The following TAFA5 variants were observed in gnomAD, a reference collection of about 807,000 sequenced individuals.
TAFA5 encodes the protein chemokine-like protein TAFA-5.
In TAFA5, 6 loss-of-function variants were observed where a neutral mutation model predicts 15.3. That is an observed-to-expected ratio of 0.39 (90% confidence interval 0.21 to 0.77). The LOEUF (loss-of-function observed/expected upper bound fraction) is 0.77. Ranked by LOEUF, TAFA5 falls within the 30% of genes least tolerant of loss-of-function variation. The pLI is 0.41. For synonymous variants in TAFA5, 103 were observed against 80.7 expected (o/e 1.28, Z -1.48); for missense variants, 161 against 193.1 (o/e 0.83, Z 0.98).
At chr22:48,546,438 C>G in intron 1 of TAFA5, 1 of 469,398 alleles carries the variant, frequency 2.1e-6, no homozygotes, top group South Asian at 1.6e-5. Context: ...GGACACTGCC[C>G]TATCCTCTTG....
intron 2 of TAFA5, among the ~76,000 whole-genome samples, chr22:48,676,752 TACA>T (rs1415656919): frequency 6.6e-6 from 1 of 152,198 alleles, no homozygotes; most frequent in Non-Finnish European, 1.5e-5. Flanking sequence ...TGGACTCTGA[TACA>T]ACAAGCCCTG....
chr22:48,659,306 G>A (rs139812509), intron 2 of TAFA5, among the ~76,000 whole-genome samples: 203 of 152,364 alleles, frequency 1.3e-3, no homozygotes, highest in African/African-American at 4.5e-3. Flanking sequence ...GGAGGTCTAC[G>A]GGGACCGTCT....
In TAFA5 at chr22:48,690,408, G is replaced by A. The variant is rs564057702; in HGVS notation, c.263-17309G>A. On this transcript the variant is annotated intron_variant, in intron 2 of 3. Transcript: ENST00000402357. The stretch of plus-strand genomic sequence containing the variant: ...CTTTGGGACGTGTATCAGCCACACA[G>A]CCGTACCAGGGCCTGTGTGCCCAGT... Among the ~76,000 whole-genome samples, 4 of 152,144 alleles carry A rather than the reference G, an allele frequency of 2.6e-5. No individual in the cohort carries two copies. In the South Asian group the frequency reaches 8.3e-4, roughly 32 times the overall value.
intron 3 of TAFA5, among the ~76,000 whole-genome samples, chr22:48,714,873 G>C (rs1929356472): frequency 6.6e-6 from 1 of 152,192 alleles, no homozygotes. Flanking sequence ...CCCCTCTTTT[G>C]CCTCTCATAG....
chr22:48,686,545 A>G (rs1028563990), intron 2 of TAFA5, among the ~76,000 whole-genome samples: 4 of 152,184 alleles, frequency 2.6e-5, no homozygotes, highest in African/African-American at 4.8e-5. Flanking sequence ...TAAACATCAT[A>G]ATTGCAGGGG....
chr22:48,720,110 C>G (rs148434142), intron 3 of TAFA5, among the ~76,000 whole-genome samples: 1 of 152,144 alleles, frequency 6.6e-6, no homozygotes, highest in Non-Finnish European at 1.5e-5. Context: ...GACGCTCGCC[C>G]GGTGCAGAAG....
chr22:48,696,582 G>A (rs988239407), intron 2 of TAFA5, among the ~76,000 whole-genome samples: 2 of 152,208 alleles, frequency 1.3e-5, no homozygotes, highest in African/African-American at 2.4e-5. Context: ...ATTGGAGGGC[G>A]GAGCTCCCCC....
At chr22:48,737,740 C>G (rs987112093) in intron 3 of TAFA5, among the ~76,000 whole-genome samples, 1 of 152,188 alleles carries the variant, frequency 6.6e-6, no homozygotes, top group African/African-American at 2.4e-5. Flanking sequence ...TGCTCCCTAG[C>G]GCTGGATGTG....
intron 2 of TAFA5, among the ~76,000 whole-genome samples, chr22:48,694,286 C>A (rs539632707): frequency 6.6e-6 from 1 of 152,210 alleles, no homozygotes; most frequent in Non-Finnish European, 1.5e-5. Flanking sequence ...AGGGCCCCAA[C>A]GCTCAGAAAG....
chr22:48,666,571 C>T (rs867379174), intron 2 of TAFA5, among the ~76,000 whole-genome samples: 14 of 152,238 alleles, frequency 9.2e-5, no homozygotes, highest in African/African-American at 2.4e-4. Flanking sequence ...TACGGAGGCC[C>T]GTGACCTGGT....
intron 2 of TAFA5, among the ~76,000 whole-genome samples, chr22:48,687,786 T>C (rs187858482): frequency 6.6e-6 from 1 of 152,134 alleles, no homozygotes; most frequent in Non-Finnish European, 1.5e-5. Context: ...GGGGAACATG[T>C]AGCTGCCCCC....
intron 1 of TAFA5, among the ~76,000 whole-genome samples, chr22:48,525,282 C>G (rs892311623): frequency 6.6e-6 from 1 of 152,122 alleles, no homozygotes; most frequent in African/African-American, 2.4e-5. Context: ...CATGGGGGGT[C>G]CCATCTTAGG....
intron 2 of TAFA5, among the ~76,000 whole-genome samples, chr22:48,659,152 G>A (rs1230388303): frequency 6.6e-6 from 1 of 152,238 alleles, no homozygotes; most frequent in African/African-American, 2.4e-5. Flanking sequence ...TGCAGAGGCG[G>A]GACACAGGCA....
At chr22:48,589,699 A>AGAGAG (rs1555890276) in intron 1 of TAFA5, among the ~76,000 whole-genome samples, 2 of 151,926 alleles carry the variant, frequency 1.3e-5, no homozygotes, top group Non-Finnish European at 2.9e-5. Context: ...AGAAGCAAAC[A>AGAGAG]GAGAGGGGGC....
intron 3 of TAFA5, among the ~76,000 whole-genome samples, chr22:48,746,328 C>T (rs1930327266): frequency 6.6e-6 from 1 of 151,818 alleles, no homozygotes; most frequent in South Asian, 2.1e-4. Flanking sequence ...TCATTTTCAA[C>T]ATAAGAGACA....
At chr22:48,541,288 G>A (rs1376707703) in intron 1 of TAFA5, among the ~76,000 whole-genome samples, 2 of 152,092 alleles carry the variant, frequency 1.3e-5, no homozygotes, top group African/African-American at 2.4e-5. Flanking sequence ...CTTTGTGCAG[G>A]AACCCAGAGA....
intron 1 of TAFA5, among the ~76,000 whole-genome samples, chr22:48,600,882 G>A (rs1428966350): frequency 3.3e-5 from 5 of 152,130 alleles, no homozygotes; most frequent in Admixed American, 1.3e-4. Flanking sequence ...CGAGGCTTGC[G>A]GGGCTTGTGT....
intron 1 of TAFA5, among the ~76,000 whole-genome samples, chr22:48,529,044 AC>A (rs1399972176): frequency 6.6e-6 from 1 of 152,134 alleles, no homozygotes; most frequent in Non-Finnish European, 1.5e-5. Context: ...GGGCACTAGA[AC>A]CCTCTGAGGG....
intron 1 of TAFA5, among the ~76,000 whole-genome samples, chr22:48,506,365 C>T (rs1372868883): frequency 1.3e-5 from 2 of 152,236 alleles, no homozygotes; most frequent in African/African-American, 4.8e-5. Context: ...ACATGGGCAC[C>T]TCCAGAATCC....
Sources: allele counts gnomAD v4.1 joint callset (sites outside exome capture counted in the v4.1 genomes callset), GRCh38; gene constraint gnomAD v4.1.1; transcripts MANE v1.5; gene names NCBI Gene and HGNC (gene_info 2026-07-23, HGNC 2026-07-21).